The following PPP2R2B variants were observed in gnomAD, a reference collection of about 807,000 sequenced individuals.
PPP2R2B encodes serine/threonine-protein phosphatase 2A 55 kDa regulatory subunit B beta isoform.
Under a neutral mutation model 46.0 loss-of-function variants are expected in PPP2R2B, and 5 were observed. The observed-to-expected ratio is 0.11, with a 90% confidence interval of 0.06 to 0.23. The LOEUF is 0.23. Ranked by LOEUF, PPP2R2B falls within the 10% of genes least tolerant of loss-of-function variation. The pLI, the probability that PPP2R2B is intolerant of heterozygous loss-of-function variation, is 1.00. For missense variants in PPP2R2B, 367 were observed against 575.0 expected, an observed-to-expected ratio of 0.64 and a Z score of 3.70; for synonymous variants, 215 against 206.7, an observed-to-expected ratio of 1.04 and a Z score of -0.34.
intron 1 of PPP2R2B, among the ~76,000 whole-genome samples, chr5:146,891,928 G>C (rs953314330): frequency 1.3e-5 from 2 of 152,110 alleles, no homozygotes; most frequent in Non-Finnish European, 2.9e-5. Flanking sequence ...CCAAGCACAG[G>C]ACCCTTCTAA....
At chr5:146,988,506 C>T (rs1753534433) in intron 1 of PPP2R2B, among the ~76,000 whole-genome samples, 1 of 151,820 alleles carries the variant, frequency 6.6e-6, no homozygotes, top group Non-Finnish European at 1.5e-5. Context: ...ACAACTTGCT[C>T]ATGAAAAACT....
intron 6 of PPP2R2B, among the ~76,000 whole-genome samples, chr5:146,649,630 A>T (rs181263524): frequency 6.6e-6 from 1 of 151,904 alleles, no homozygotes; most frequent in African/African-American, 2.4e-5. Context: ...TTGTATTTTT[A>T]GTAAAGTTGG....
intron 1 of PPP2R2B, among the ~76,000 whole-genome samples, chr5:147,010,050 A>C (rs1438957087): frequency 6.6e-6 from 1 of 152,220 alleles, no homozygotes; most frequent in Non-Finnish European, 1.5e-5. Context: ...GTGCGTACTC[A>C]TAAATACACA....
chr5:146,758,668 T>C (rs890370399), intron 2 of PPP2R2B, among the ~76,000 whole-genome samples: 2 of 152,080 alleles, frequency 1.3e-5, no homozygotes, highest in Non-Finnish European at 2.9e-5. Flanking sequence ...CAGTACCTAG[T>C]AGGAGCTTAA....
intron 1 of PPP2R2B, among the ~76,000 whole-genome samples, chr5:146,926,478 G>A (rs1347985289): frequency 6.6e-6 from 1 of 151,800 alleles, no homozygotes; most frequent in Non-Finnish European, 1.5e-5. Flanking sequence ...TGCAAGCTCC[G>A]CCTCTCGGGT....
At chr5:146,765,954 T>C (rs1200644055) in intron 2 of PPP2R2B, among the ~76,000 whole-genome samples, 3 of 152,322 alleles carry the variant, frequency 2.0e-5, no homozygotes, top group South Asian at 4.1e-4. Context: ...CTGGTTGTTT[T>C]GGACAGAACT....
chr5:146,960,414 T>G (rs772296631), intron 1 of PPP2R2B, among the ~76,000 whole-genome samples: 1 of 152,026 alleles, frequency 6.6e-6, no homozygotes, highest in Non-Finnish European at 1.5e-5. Flanking sequence ...CTCAGCCTCC[T>G]GAGTAGCTGG....
intron 1 of PPP2R2B, among the ~76,000 whole-genome samples, chr5:146,954,992 C>T (rs919828493): frequency 2.0e-5 from 3 of 152,126 alleles, no homozygotes; most frequent in Non-Finnish European, 4.4e-5. Flanking sequence ...TGATGAATAA[C>T]TTATCTGCTC....
intron 5 of PPP2R2B, among the ~76,000 whole-genome samples, chr5:146,673,157 T>C (rs1777482628): frequency 1.3e-5 from 2 of 152,208 alleles, no homozygotes; most frequent in South Asian, 4.1e-4. Flanking sequence ...AAAGGCACAG[T>C]GTTGTTATCA....
At chr5:146,680,582 T>TA (rs34538093) in intron 5 of PPP2R2B, among the ~76,000 whole-genome samples, 23 of 148,160 alleles carry the variant, frequency 1.6e-4, no homozygotes, top group East Asian at 1.2e-3. Context: ...TGCACACACT[T>TA]AAAAAAAAAA....
chr5:146,995,544 C>A (rs190085543), intron 1 of PPP2R2B, among the ~76,000 whole-genome samples: 1 of 152,066 alleles, frequency 6.6e-6, no homozygotes, highest in Non-Finnish European at 1.5e-5. Context: ...TAATACTCTG[C>A]CAAAAAATGG....
intron 3 of PPP2R2B, among the ~76,000 whole-genome samples, chr5:146,700,765 C>A (rs1355950443): frequency 6.6e-6 from 1 of 152,180 alleles, no homozygotes; most frequent in Non-Finnish European, 1.5e-5. Flanking sequence ...TTACGCTCAA[C>A]AAGCACCCAT....
At chr5:146,698,173 G>A (rs755064044) in intron 3 of PPP2R2B, 29 bp from the exon 4 acceptor site, 1 of 1,534,710 alleles carries the variant, frequency 6.5e-7, no homozygotes, top group South Asian at 1.2e-5. Flanking sequence ...ATACACAACA[G>A]ATTAAATCAC....
intron 1 of PPP2R2B, among the ~76,000 whole-genome samples, chr5:147,006,590 A>G (rs1249769934): frequency 6.6e-6 from 1 of 152,164 alleles, no homozygotes; most frequent in Non-Finnish European, 1.5e-5. Context: ...TATCTATTTC[A>G]TTATCCTACT....
intron 2 of PPP2R2B, among the ~76,000 whole-genome samples, chr5:146,873,238 A>T (rs1009158419): frequency 2.6e-5 from 4 of 152,320 alleles, no homozygotes; most frequent in African/African-American, 9.6e-5. Context: ...TTTCTCTATT[A>T]CGTATCTTAA....
chr5:147,049,729 G>A (rs1039151298), intron 1 of PPP2R2B, among the ~76,000 whole-genome samples: 1 of 152,186 alleles, frequency 6.6e-6, no homozygotes, highest in East Asian at 1.9e-4. Context: ...GCAATCATCT[G>A]TCAGTGTTGC....
chr5:146,904,759 C>T (rs913983572), intron 1 of PPP2R2B, among the ~76,000 whole-genome samples: 1 of 152,038 alleles, frequency 6.6e-6, no homozygotes, highest in Non-Finnish European at 1.5e-5. Context: ...CCCAAAGGTG[C>T]CAGGAGTCAA....
At chr5:146,759,227 A>G (rs562914184) in intron 2 of PPP2R2B, among the ~76,000 whole-genome samples, 3 of 152,324 alleles carry the variant, frequency 2.0e-5, no homozygotes, top group African/African-American at 7.2e-5. Context: ...CTTAAGAACC[A>G]CCAGACTAAT....
chr5:146,606,982 G>T lies in PPP2R2B; in HGVS notation c.791-6522C>A, dbSNP rs1308311359. On this transcript the variant is annotated intron_variant, in intron 7 of 9. Transcript: ENST00000394411. The stretch of plus-strand genomic sequence containing the variant: ...TTTCTTCTACAGGGAAGCACGGCTG[G>T]CACGTTCTTCCGTTTGGAGACATGG... 4 of 152,146 alleles carry T rather than the reference G, an allele frequency of 2.6e-5. No individual in the cohort carries two copies. In the East Asian group the frequency reaches 7.7e-4, roughly 29 times the overall value. 9.4% of individuals were successfully genotyped at this position (152,146 alleles called of 1,614,324 possible).
Sources: allele counts gnomAD v4.1 joint callset (sites outside exome capture counted in the v4.1 genomes callset), GRCh38; gene constraint gnomAD v4.1.1; transcripts MANE v1.5; gene names NCBI Gene and HGNC (gene_info 2026-07-23, HGNC 2026-07-21).